The following FGF14 variants were observed in gnomAD, a reference collection of about 807,000 sequenced individuals.
FGF14 encodes fibroblast growth factor 14.
A neutral mutation model predicts 25.5 loss-of-function variants in FGF14; 5 were observed. That is an observed-to-expected ratio of 0.20 (90% confidence interval 0.10 to 0.41). The LOEUF (loss-of-function observed/expected upper bound fraction) is 0.41, where lower values mean the gene tolerates loss of function less well. FGF14 is among the 10% of genes least tolerant of loss of function. The pLI, the probability that FGF14 is intolerant of heterozygous loss-of-function variation, is 1.00. For synonymous variants in FGF14, 138 were observed against 118.3 expected, an observed-to-expected ratio of 1.17 and a Z score of -1.08; for missense variants, 222 against 320.1, an observed-to-expected ratio of 0.69 and a Z score of 2.34.
intron 1 of FGF14, among the ~76,000 whole-genome samples, chr13:102,345,338 T>C (rs1414467414): frequency 6.6e-6 from 1 of 152,230 alleles, no homozygotes; most frequent in Non-Finnish European, 1.5e-5. Context: ...CCTATTTCTA[T>C]AAAGCAAATG....
chr13:101,964,347 T>C (rs1205387035), intron 1 of FGF14, among the ~76,000 whole-genome samples: 2 of 152,216 alleles, frequency 1.3e-5, no homozygotes, highest in Non-Finnish European at 2.9e-5. Flanking sequence ...CACAACTGGA[T>C]ACGAAATGCA....
chr13:102,291,553 T>C (rs1202247439), intron 1 of FGF14, among the ~76,000 whole-genome samples: 3 of 152,164 alleles, frequency 2.0e-5, no homozygotes, highest in African/African-American at 4.8e-5. Flanking sequence ...TAAATTAAAA[T>C]AGATAGATCA....
At chr13:101,857,071 T>G (rs114391257) in intron 3 of FGF14, among the ~76,000 whole-genome samples, 1 of 152,124 alleles carries the variant, frequency 6.6e-6, no homozygotes, top group African/African-American at 2.4e-5. Context: ...GTTAATTTAT[T>G]TCATAACATC....
chr13:102,364,108 T>C (rs1304480297), intron 1 of FGF14, among the ~76,000 whole-genome samples: 2 of 152,238 alleles, frequency 1.3e-5, no homozygotes, highest in Admixed American at 1.3e-4. Context: ...TTTTTTATTA[T>C]AAGGAAGATG....
At chr13:102,381,727 T>C (rs982570316) in intron 1 of FGF14, among the ~76,000 whole-genome samples, 8 of 152,234 alleles carry the variant, frequency 5.3e-5, no homozygotes, top group Non-Finnish European at 1.0e-4. Flanking sequence ...AAAGTAGGCA[T>C]GCATTGTTAG....
chr13:102,309,242 A>G (rs1367876771), intron 1 of FGF14, among the ~76,000 whole-genome samples: 2 of 151,954 alleles, frequency 1.3e-5, no homozygotes, highest in Non-Finnish European at 2.9e-5. Context: ...TGGTGCTATT[A>G]CACAAGCTTG....
chr13:101,962,359 T>C (rs1461349655), intron 1 of FGF14, among the ~76,000 whole-genome samples: 1 of 151,818 alleles, frequency 6.6e-6, no homozygotes, highest in Non-Finnish European at 1.5e-5. Context: ...ACTCTCTGTT[T>C]GTCTGTTGTT....
chr13:101,714,592 T>C lies in FGF14; in HGVS notation c.*8239A>G, dbSNP rs773886594. On this transcript the variant is annotated 3_prime_UTR_variant, in exon 5 of 5. Transcript: ENST00000376143. ...TTTCTAATTGCTCTATGCCACAGTT[T>C]GTTATAGAGCCAAGAGACACTCGTC... The C allele has an allele frequency of 8.4e-7, 1 of 1,184,356 alleles. No homozygotes were observed. The highest frequency in any genetic ancestry group is 1.7e-5 in the Admixed American group (1 of 59,380). The allele number at this position is 1,184,356 out of a possible 1,614,324, so 73.4% of individuals were successfully genotyped here.
intron 1 of FGF14, among the ~76,000 whole-genome samples, chr13:102,350,117 T>C (rs1017819084): frequency 3.9e-5 from 6 of 152,214 alleles, no homozygotes; most frequent in African/African-American, 9.7e-5. Context: ...GATCCTTATA[T>C]GACAGCATAC....
At chr13:102,399,563 G>T (rs1222085095) in intron 1 of FGF14, among the ~76,000 whole-genome samples, 2 of 152,176 alleles carry the variant, frequency 1.3e-5, no homozygotes, top group East Asian at 3.9e-4. Flanking sequence ...AGTTGGTTTT[G>T]TATGAACCAA....
At chr13:101,928,419 T>C (rs2034520525) in intron 1 of FGF14, among the ~76,000 whole-genome samples, 1 of 152,152 alleles carries the variant, frequency 6.6e-6, no homozygotes, top group South Asian at 2.1e-4. Context: ...TGTGTGTGTG[T>C]GTGTAGTTTT....
At chr13:101,822,381 T>C (rs1295553237) in intron 3 of FGF14, among the ~76,000 whole-genome samples, 1 of 152,124 alleles carries the variant, frequency 6.6e-6, no homozygotes, top group Admixed American at 6.5e-5. Context: ...TGTCTTATTG[T>C]GACATTGGCT....
At chr13:102,195,037 A>C (rs1228946893) in intron 1 of FGF14, among the ~76,000 whole-genome samples, 4 of 152,220 alleles carry the variant, frequency 2.6e-5, no homozygotes, top group Non-Finnish European at 4.4e-5. Flanking sequence ...AATGAAAAAA[A>C]AAGTGAAGAC....
chr13:101,768,953 ATAAT>A (rs2038582123), intron 3 of FGF14, among the ~76,000 whole-genome samples: 1 of 152,198 alleles, frequency 6.6e-6, no homozygotes. Context: ...CAGGGAAGAA[ATAAT>A]TAATAAACTG....
chr13:102,024,595 ATAAG>A (rs1444774863), intron 1 of FGF14, among the ~76,000 whole-genome samples: 3 of 152,032 alleles, frequency 2.0e-5, no homozygotes, highest in Non-Finnish European at 2.9e-5. Flanking sequence ...CCTTTGGAAC[ATAAG>A]TATTTTTAAT....
At chr13:101,766,311 C>T (rs148075448) in intron 3 of FGF14, among the ~76,000 whole-genome samples, 53 of 152,276 alleles carry the variant, frequency 3.5e-4, no homozygotes, top group African/African-American at 1.2e-3. Flanking sequence ...TCTTTTTCTT[C>T]CTCTCTTCCT....
intron 1 of FGF14, among the ~76,000 whole-genome samples, chr13:102,189,016 ATGAAAGAAGAAAAGAAAGAAAGAAAG>A (rs1294080673): frequency 1.2e-4 from 8 of 69,342 alleles, no homozygotes; most frequent in African/African-American, 3.2e-4. Context: ...AAGAGAAAGA[ATGAAAGAAGAAAAGAAAGAAAGAAAG>A]AGAAAGAATG....
intron 1 of FGF14, among the ~76,000 whole-genome samples, chr13:102,302,281 C>T (rs2055109075): frequency 6.6e-6 from 1 of 152,112 alleles, no homozygotes; most frequent in Admixed American, 6.6e-5. Flanking sequence ...GATCCATCAG[C>T]AGCGTTTTAT....
At chr13:101,741,105 G>A (rs954307558) in intron 3 of FGF14, among the ~76,000 whole-genome samples, 2 of 152,224 alleles carry the variant, frequency 1.3e-5, no homozygotes, top group African/African-American at 4.8e-5. Flanking sequence ...GGAGGCTGAG[G>A]CAGATGGACC....
Sources: allele counts gnomAD v4.1 joint callset (sites outside exome capture counted in the v4.1 genomes callset), GRCh38; gene constraint gnomAD v4.1.1; transcripts MANE v1.5; gene names NCBI Gene and HGNC (gene_info 2026-07-23, HGNC 2026-07-21).